The following CREBBP variants were observed in gnomAD, a reference collection of about 807,000 sequenced individuals.
CREBBP encodes the protein CREB-binding protein.
Under a neutral mutation model 265.0 loss-of-function variants are expected in CREBBP, and 19 were observed. The observed-to-expected ratio is 0.07, with a 90% CI of 0.05 to 0.11. The LOEUF (loss-of-function observed/expected upper bound fraction) is 0.11. Ranked by LOEUF, CREBBP falls within the 10% of genes least tolerant of loss-of-function variation. The pLI, the probability that CREBBP is intolerant of heterozygous loss-of-function variation, is 1.00. For missense variants in CREBBP, 2,525 were observed against 3,219.0 expected (o/e 0.78, Z 5.22); for synonymous variants, 1,457 against 1,223.7 (o/e 1.19, Z -3.98).
chr16:3,847,470 T>A lies in CREBBP; in HGVS notation c.798+2827A>T, dbSNP rs1379924069. ...TTTCTGCCCACCACTACTTGGTCTT[T>A]CATTCCACCCAAAGGCAACGACACA... is the stretch of plus-strand genomic sequence containing the variant. On this transcript the variant is annotated intron_variant, in intron 2 of 30. Coordinates refer to ENST00000262367, the MANE Select transcript of CREBBP (RefSeq NM_004380.3). Among the ~76,000 whole-genome samples the A allele has an allele frequency of 1.3e-5, 2 of 152,204 alleles. 1 individual carries two copies. The highest frequency in any genetic ancestry group is 4.8e-5 in the African/African-American group (2 of 41,456).
intron 12 of CREBBP, 79 bp from the exon 13 acceptor site, chr16:3,774,009 A>G (rs2053078480): frequency 2.0e-6 from 3 of 1,483,726 alleles, no homozygotes; most frequent in Non-Finnish European, 2.8e-6. Context: ...AGAATGATCC[A>G]AGGCTTCACA....
intron 2 of CREBBP, among the ~76,000 whole-genome samples, chr16:3,837,891 G>A (rs776050650): frequency 9.9e-5 from 15 of 152,092 alleles, no homozygotes; most frequent in Admixed American, 4.6e-4. Flanking sequence ...GTACAGCAAC[G>A]TTCTCAGCTG....
intron 3 of CREBBP, among the ~76,000 whole-genome samples, chr16:3,799,316 T>C (rs927130940): frequency 6.6e-6 from 1 of 152,234 alleles, no homozygotes; most frequent in Admixed American, 6.5e-5. Flanking sequence ...GGTACATGAA[T>C]TATATCTTAA....
At chr16:3,736,955 T>C in intron 26 of CREBBP, 140 bp from the exon 27 acceptor site, 1 of 1,074,966 alleles carries the variant, frequency 9.3e-7, no homozygotes, top group South Asian at 1.3e-5. Context: ...CAAAGCTGGG[T>C]GTGGTGGGGG....
At chr16:3,740,180 A>G (rs1479802444) in intron 24 of CREBBP, among the ~76,000 whole-genome samples, 1 of 152,222 alleles carries the variant, frequency 6.6e-6, no homozygotes, top group Non-Finnish European at 1.5e-5. Flanking sequence ...GTATACTATA[A>G]TATGGTATGT....
At chr16:3,747,568 T>C (rs889185049) in intron 21 of CREBBP, among the ~76,000 whole-genome samples, 1 of 152,176 alleles carries the variant, frequency 6.6e-6, no homozygotes, top group African/African-American at 2.4e-5. Flanking sequence ...CAGCTGTCTC[T>C]CTAGACTACA....
chr16:3,811,437 A>T (rs1430856915), intron 2 of CREBBP, among the ~76,000 whole-genome samples: 1 of 152,204 alleles, frequency 6.6e-6, no homozygotes, highest in African/African-American at 2.4e-5. Context: ...GACCTTGATG[A>T]TGACCCACTT....
At chr16:3,822,216 C>G (rs2054154872) in intron 2 of CREBBP, among the ~76,000 whole-genome samples, 1 of 100,410 alleles carries the variant, frequency 1.0e-5, no homozygotes, top group East Asian at 2.8e-4. Flanking sequence ...GGCAGAGAAG[C>G]ACCTTTTTCC....
At chr16:3,745,104 TC>T in intron 22 of CREBBP, 143 bp from the exon 23 acceptor site, 3 of 907,626 alleles carry the variant, frequency 3.3e-6, no homozygotes, top group South Asian at 1.4e-5. Context: ...CTGCTTTGAT[TC>T]CACAATTCCT....
intron 9 of CREBBP, 114 bp from the exon 10 acceptor site, chr16:3,778,296 A>T: frequency 1.2e-6 from 1 of 858,452 alleles, no homozygotes; most frequent in East Asian, 2.5e-5. Flanking sequence ...TGGCAAAAGT[A>T]GTATGCAAAT....
intron 1 of CREBBP, among the ~76,000 whole-genome samples, chr16:3,857,149 T>C (rs2054980946): frequency 6.6e-6 from 1 of 152,200 alleles, no homozygotes; most frequent in African/African-American, 2.4e-5. Flanking sequence ...TTTATTCTAG[T>C]TCTTATCAAA....
intron 1 of CREBBP, among the ~76,000 whole-genome samples, chr16:3,853,902 A>T (rs2054906193): frequency 6.6e-6 from 1 of 151,994 alleles, no homozygotes. Flanking sequence ...TCGCCATTGC[A>T]CTCCAGCCTG....
rs181322556 is a variant in CREBBP, at chr16:3,778,031, G to C, written c.2093C>G (p.Ala698Gly). ...PGAQPPVIPQ[A>G]QPVRPPNGPL... ...CTTACTTGGAGGTCTCACAGGTTGT[G>C]CCTGTGGAATCACAGGGGGCTGAGC... is the stretch of plus-strand genomic sequence containing the variant. Residue 698 changes from alanine (A) to glycine (G), a missense_variant, in exon 10 of 31, where the codon GCA becomes GGA. Physicochemically the swap from Ala to Gly is moderately conservative, Grantham distance 60 (BLOSUM62 0). Transcript: ENST00000262367. The C allele has an allele frequency of 1.2e-6, 2 of 1,614,042 alleles. No individual in the cohort carries two copies. Among genetic ancestry groups the C allele is most frequent in the African/African-American group, 2.7e-5 (2 of 74,944 alleles).
intron 16 of CREBBP, among the ~76,000 whole-genome samples, chr16:3,763,485 A>G (rs1389893366): frequency 6.6e-6 from 1 of 151,852 alleles, no homozygotes; most frequent in Admixed American, 6.6e-5. Context: ...TTTGAGACGA[A>G]GTTTCTCTCT....
chr16:3,783,746 C>T (rs1002947485), intron 5 of CREBBP, among the ~76,000 whole-genome samples: 1 of 152,222 alleles, frequency 6.6e-6, no homozygotes, highest in Admixed American at 6.5e-5. Context: ...GCTACTGAGG[C>T]CCACTGCTGG....
At chr16:3,783,067 T>C in intron 5 of CREBBP, 141 bp from the exon 6 acceptor site, 3 of 1,164,880 alleles carry the variant, frequency 2.6e-6, no homozygotes, top group East Asian at 2.5e-5. Flanking sequence ...TAAACAAGCC[T>C]AGGGAGAAAG....
chr16:3,757,725 C>G, intron 18 of CREBBP, 84 bp downstream of exon 18: 1 of 1,573,528 alleles, frequency 6.4e-7, no homozygotes, highest in East Asian at 2.2e-5. Context: ...TCCCAGTATA[C>G]AGGCGTGGTC....
rs2141183322 is a variant in CREBBP at position 3,767,867 on chromosome 16, C to T, written c.3103G>A (p.Glu1035Lys). The change falls in exon 16 of 31, where the codon GAA (glutamate) becomes AAA (lysine). Residue 1035 changes from glutamate to lysine, a missense_variant. Coordinates refer to ENST00000262367, the MANE Select transcript of CREBBP (RefSeq NM_004380.3). ...DLQGASQVKE[E>K]TDIAEQKSEP... ...GATTTCTGCTCTGCTATGTCTGTTT[C>T]TTCTTTAACTTGGGAAGCTCCTTGC... is the stretch of plus-strand genomic sequence containing the variant. 6.2e-7 allele frequency: 1 copy of T among 1,614,134 alleles called. No homozygotes were observed. Among genetic ancestry groups the T allele is most frequent in the Non-Finnish European group, 8.5e-7 (1 of 1,180,030 alleles).
intron 14 of CREBBP, among the ~76,000 whole-genome samples, chr16:3,770,290 TC>T (rs1567298599): frequency 6.6e-6 from 1 of 152,096 alleles, no homozygotes; most frequent in Admixed American, 6.6e-5. Flanking sequence ...CAAGTGATCT[TC>T]CCACCTAAGC....
Sources: allele counts gnomAD v4.1 joint callset (sites outside exome capture counted in the v4.1 genomes callset), GRCh38; gene constraint gnomAD v4.1.1; transcripts MANE v1.5; gene names NCBI Gene and HGNC (gene_info 2026-07-23, HGNC 2026-07-21).